The following CHRM3 variants were observed in gnomAD, a reference collection of about 807,000 sequenced individuals.
The protein encoded by CHRM3 is cholinergic receptor muscarinic 3.
CHRM3 carries 11 observed loss-of-function variants against 41.8 expected under a neutral mutation model. The ratio of observed to expected loss-of-function variants is 0.26; its 90% CI spans 0.17 to 0.44. CHRM3 has a LOEUF of 0.44. CHRM3 is among the 20% of genes least tolerant of loss of function. The pLI is 1.00. For missense variants in CHRM3, 571 were observed against 745.4 expected (o/e 0.77, Z 2.72); for synonymous variants, 297 against 301.4 (o/e 0.99, Z 0.15).
chr1:239,779,153 A>G (rs1475915460), intron 5 of CHRM3, among the ~76,000 whole-genome samples: 2 of 151,994 alleles, frequency 1.3e-5, no homozygotes, highest in Admixed American at 6.6e-5. Flanking sequence ...TTGTTTTTTC[A>G]TAGACTACAC....
At chr1:239,413,438 C>T (rs888306104) in intron 1 of CHRM3, among the ~76,000 whole-genome samples, 5 of 152,046 alleles carry the variant, frequency 3.3e-5, no homozygotes, top group African/African-American at 7.2e-5. Context: ...TACAGGCACC[C>T]GCCATTCCAC....
chr1:239,436,184 G>A (rs1572290641), intron 1 of CHRM3, among the ~76,000 whole-genome samples: 1 of 152,298 alleles, frequency 6.6e-6, no homozygotes, highest in Middle Eastern at 3.4e-3. Context: ...ATAGAAGACA[G>A]TAAGGTTGGT....
intron 6 of CHRM3, among the ~76,000 whole-genome samples, chr1:239,858,572 T>G (rs1572507975): frequency 6.6e-6 from 1 of 152,202 alleles, no homozygotes; most frequent in East Asian, 1.9e-4. Flanking sequence ...AATTTGGGTT[T>G]TTTGCGTTTG....
intron 2 of CHRM3, among the ~76,000 whole-genome samples, chr1:239,544,226 C>T (rs530434002): frequency 6.6e-6 from 1 of 152,170 alleles, no homozygotes; most frequent in East Asian, 1.9e-4. Context: ...TTTCCTAGCT[C>T]CTAGTAATCA....
intron 5 of CHRM3, among the ~76,000 whole-genome samples, chr1:239,774,178 T>C (rs981808595): frequency 2.6e-5 from 4 of 152,200 alleles, no homozygotes; most frequent in African/African-American, 9.6e-5. Flanking sequence ...CTCTTCCTAA[T>C]TGGTCTGTAT....
In CHRM3 at chr1:239,908,701, G is replaced by A. The variant is rs756840634; in HGVS notation, c.1250G>A (p.Gly417Glu). 15 of 1,613,058 alleles carry A rather than the reference G, an allele frequency of 9.3e-6. No homozygotes were observed. The highest frequency in any genetic ancestry group is 1.3e-5 in the Non-Finnish European group (15 of 1,179,620). Residue 417 changes from glycine (G) to glutamate (E), a missense_variant, in exon 7 of 7, where the codon GGA (glycine) becomes GAA (glutamate). Coordinates refer to ENST00000676153, the MANE Select transcript of CHRM3 (RefSeq NM_001375978.1). The surrounding 1 kb of genome is among the most constrained non-coding windows in gnomAD (Gnocchi z 7.2). ...CAGGCCCAGAAGAGCGTGGACGATG[G>A]AGGCAGTTTTCCAAAAAGCTTCTCC... ...KLQAQKSVDD[G>E]GSFPKSFSKL...
At chr1:239,881,597 A>C (rs1354138792) in intron 6 of CHRM3, among the ~76,000 whole-genome samples, 4 of 152,154 alleles carry the variant, frequency 2.6e-5, no homozygotes, top group Non-Finnish European at 5.9e-5. Flanking sequence ...TCCAGATTTT[A>C]CCTTAATTGT....
intron 5 of CHRM3, among the ~76,000 whole-genome samples, chr1:239,701,879 A>C (rs562903172): frequency 3.9e-5 from 6 of 152,196 alleles, no homozygotes; most frequent in African/African-American, 7.2e-5. Flanking sequence ...TCAACTATCC[A>C]AATCTTATCT....
intron 1 of CHRM3, among the ~76,000 whole-genome samples, chr1:239,463,309 G>A (rs921764248): frequency 6.6e-6 from 1 of 152,054 alleles, no homozygotes; most frequent in African/African-American, 2.4e-5. Flanking sequence ...CATTTTCTTG[G>A]TGAGTCTGAA....
At chr1:239,879,543 A>G (rs1177154294) in intron 6 of CHRM3, among the ~76,000 whole-genome samples, 1 of 152,230 alleles carries the variant, frequency 6.6e-6, no homozygotes, top group African/African-American at 2.4e-5. Context: ...TCCCCAGGCA[A>G]GGAAGCCATG....
rs188770036 is a variant in CHRM3, at chr1:239,775,758, C to A, written c.-146-51494C>A. Among the ~76,000 whole-genome samples, 4 of 152,102 alleles carry A rather than the reference C, an allele frequency of 2.6e-5. 1 individual carries two copies. Among genetic ancestry groups the A allele is most frequent in the African/African-American group, 9.7e-5 (4 of 41,404 alleles). On this transcript the variant is annotated intron_variant, in intron 5 of 6. Coordinates refer to ENST00000676153, the MANE Select transcript of CHRM3 (RefSeq NM_001375978.1). ...AGTCATCATATGATCAGGGAGAAATCGAGAGGCGAAACAGACTGTCATAGG... is the reference window on the plus strand; with the variant it reads ...AGTCATCATATGATCAGGGAGAAATAGAGAGGCGAAACAGACTGTCATAGG...
intron 2 of CHRM3, among the ~76,000 whole-genome samples, chr1:239,523,824 G>A (rs753473099): frequency 6.6e-5 from 10 of 152,114 alleles, no homozygotes; most frequent in Non-Finnish European, 1.0e-4. Context: ...CAAGTAAAAC[G>A]TTTTTGTTTA....
At chr1:239,772,786 G>T (rs981872421) in intron 5 of CHRM3, among the ~76,000 whole-genome samples, 4 of 152,016 alleles carry the variant, frequency 2.6e-5, no homozygotes, top group Non-Finnish European at 4.4e-5. Flanking sequence ...CTTCCAACAA[G>T]CTCTTACCCA....
chr1:239,508,787 AT>A (rs776145499), intron 2 of CHRM3, among the ~76,000 whole-genome samples: 4 of 152,178 alleles, frequency 2.6e-5, no homozygotes, highest in Non-Finnish European at 5.9e-5. Flanking sequence ...CTGACTAGTT[AT>A]GTTGTTAAAT....
At chr1:239,600,149 C>A (rs1237408540) in intron 3 of CHRM3, among the ~76,000 whole-genome samples, 1 of 152,174 alleles carries the variant, frequency 6.6e-6, no homozygotes, top group Non-Finnish European at 1.5e-5. Context: ...TTTATTTCAA[C>A]TCTCAAAAAA....
chr1:239,721,536 G>T (rs1242474171), intron 5 of CHRM3, among the ~76,000 whole-genome samples: 1 of 151,910 alleles, frequency 6.6e-6, no homozygotes, highest in African/African-American at 2.4e-5. Flanking sequence ...GGAGAACAAG[G>T]TTTAGAGCTG....
At chr1:239,690,662 A>G (rs1432399668) in intron 5 of CHRM3, among the ~76,000 whole-genome samples, 1 of 152,116 alleles carries the variant, frequency 6.6e-6, no homozygotes, top group Non-Finnish European at 1.5e-5. Context: ...AAATAGGACT[A>G]TATTTGTCAA....
chr1:239,825,752 T>C (rs932531908), intron 5 of CHRM3, among the ~76,000 whole-genome samples: 1 of 152,152 alleles, frequency 6.6e-6, no homozygotes, highest in African/African-American at 2.4e-5. Context: ...TCTTGCTCTT[T>C]TTCCCAGGAT....
intron 2 of CHRM3, among the ~76,000 whole-genome samples, chr1:239,509,757 C>T (rs913742658): frequency 1.3e-5 from 2 of 152,080 alleles, no homozygotes; most frequent in African/African-American, 4.8e-5. Context: ...GCTTAGATAT[C>T]GTGTATGCTG....
Sources: allele counts gnomAD v4.1 joint callset (sites outside exome capture counted in the v4.1 genomes callset), GRCh38; gene constraint gnomAD v4.1.1; non-coding constraint Gnocchi (gnomAD v3.1); transcripts MANE v1.5; gene names NCBI Gene and HGNC (gene_info 2026-07-23, HGNC 2026-07-21).